The following DNAAF11 variants were observed in gnomAD, a reference collection of about 807,000 sequenced individuals.
DNAAF11 encodes dynein axonemal assembly factor 11.
A neutral mutation model predicts 60.8 loss-of-function variants in DNAAF11; 45 were observed. That is an observed-to-expected ratio of 0.74 (90% CI 0.58 to 0.95). DNAAF11 has a LOEUF of 0.95. DNAAF11 is among the 40% of genes least tolerant of loss of function. The probability of loss-of-function intolerance (pLI) is 0.00; values close to 1 mark genes in which losing one functional copy is unlikely to be tolerated. For missense variants in DNAAF11, 546 were observed against 546.2 expected, an observed-to-expected ratio of 1.00 and a Z score of 0.00; for synonymous variants, 191 against 183.5, an observed-to-expected ratio of 1.04 and a Z score of -0.33.
intron 5 of DNAAF11, among the ~76,000 whole-genome samples, chr8:132,631,851 A>G (rs1344943232): frequency 6.6e-6 from 1 of 150,376 alleles, no homozygotes; most frequent in East Asian, 2.0e-4. Flanking sequence ...AACATCACAC[A>G]CCGGGGCCTG....
chr8:132,614,567 G>T (rs1161512888), intron 8 of DNAAF11, among the ~76,000 whole-genome samples: 1 of 152,118 alleles, frequency 6.6e-6, no homozygotes, highest in African/African-American at 2.4e-5. Context: ...CCTACCCATG[G>T]GTGAGAAAAC....
chr8:132,592,989 A>T (rs549786310), intron 10 of DNAAF11, among the ~76,000 whole-genome samples: 9 of 152,144 alleles, frequency 5.9e-5, no homozygotes, highest in African/African-American at 2.2e-4. Flanking sequence ...ACAGAAGCCA[A>T]TTCAATGGAT....
the DNAAF11 span, among the ~76,000 whole-genome samples, chr8:132,700,036 G>A: frequency 1.3e-5 from 2 of 152,116 alleles, no homozygotes; most frequent in African/African-American, 4.8e-5. Flanking sequence ...GAACCACAGT[G>A]TTGTGGTTCA....
chr8:132,679,343 A>G (rs199677461), upstream of DNAAF11, among the ~76,000 whole-genome samples: 1 of 152,146 alleles, frequency 6.6e-6, no homozygotes, highest in Non-Finnish European at 1.5e-5. Flanking sequence ...CAGTGAGCCA[A>G]TTTCTTCAAG....
chr8:132,618,664 A>C (rs1365351299), intron 7 of DNAAF11, among the ~76,000 whole-genome samples: 1 of 148,646 alleles, frequency 6.7e-6, no homozygotes, highest in Non-Finnish European at 1.5e-5. Context: ...TCTCAAAAGA[A>C]GACATTTATG....
At chr8:132,667,627 T>C (rs1205308684) in intron 1 of DNAAF11, among the ~76,000 whole-genome samples, 1 of 152,210 alleles carries the variant, frequency 6.6e-6, no homozygotes, top group African/African-American at 2.4e-5. Context: ...AACCAATATC[T>C]GTCTGACTGG....
At chr8:132,573,862 A>G (rs1463347122) in intron 11 of DNAAF11, among the ~76,000 whole-genome samples, 2 of 152,202 alleles carry the variant, frequency 1.3e-5, no homozygotes, top group African/African-American at 4.8e-5. Flanking sequence ...AAAAATACAA[A>G]ATATACAAAG....
At chr8:132,599,568 T>TG (rs2129663392) in intron 10 of DNAAF11, among the ~76,000 whole-genome samples, 1 of 152,224 alleles carries the variant, frequency 6.6e-6, no homozygotes, top group South Asian at 2.1e-4. Flanking sequence ...TCAAAAAGCT[T>TG]ATCCACCATG....
chr8:132,665,956 C>T (rs536533048), intron 1 of DNAAF11, among the ~76,000 whole-genome samples: 1 of 152,190 alleles, frequency 6.6e-6, no homozygotes, highest in Non-Finnish European at 1.5e-5. Flanking sequence ...AACATGGATG[C>T]AGCTGGAGGC....
rs1822381581 is a variant in DNAAF11, at chr8:132,646,340, TA to T, written c.257-8234del. On this transcript the variant is annotated intron_variant, in intron 3 of 11. Transcript: ENST00000620350. The stretch of plus-strand genomic sequence containing the variant: ...TTACAAGAGCTCCTGAAGGAAGCAC[TA>T]AACATGGAAAGGAACAACCGGTACC... 2.0e-5 allele frequency among the ~76,000 whole-genome samples: 3 copies of T among 152,228 alleles called. No homozygotes were observed. The East Asian group carries it at 5.8e-4, about 29-fold the overall frequency.
rs569599908 is a variant in DNAAF11, at chr8:132,589,906, G to A, written c.1141-6127C>T. The stretch of plus-strand genomic sequence containing the variant: ...CAAGTGCCCCAGAGTGGAAGATCAT[G>A]AAAGTTAACATGAAGGTTAAGGGGA... On this transcript the variant is annotated intron_variant, in intron 10 of 11. Coordinates refer to ENST00000620350, the MANE Select transcript of DNAAF11 (RefSeq NM_012472.6). Among the ~76,000 whole-genome samples, 16 of 152,304 alleles carry A rather than the reference G, an allele frequency of 1.1e-4. No individual in the cohort carries two copies. The East Asian group carries it at 1.3e-3, about 13-fold the overall frequency.
chr8:132,660,927 A>T (rs1824070041), intron 2 of DNAAF11, among the ~76,000 whole-genome samples: 2 of 152,198 alleles, frequency 1.3e-5, no homozygotes, highest in African/African-American at 2.4e-5. Flanking sequence ...ATCAGTTATA[A>T]TACTGATATT....
intron 1 of DNAAF11, among the ~76,000 whole-genome samples, chr8:132,665,238 A>C (rs1824518199): frequency 6.6e-6 from 1 of 152,010 alleles, no homozygotes; most frequent in Non-Finnish European, 1.5e-5. Flanking sequence ...CAAAAACCAG[A>C]GCCCCCGAGA....
At chr8:132,597,686 G>A (rs904749039) in intron 10 of DNAAF11, among the ~76,000 whole-genome samples, 4 of 152,150 alleles carry the variant, frequency 2.6e-5, no homozygotes, top group Admixed American at 1.3e-4. Context: ...CTATAACCTT[G>A]AAGAAAACAA....
the DNAAF11 span, among the ~76,000 whole-genome samples, chr8:132,694,511 A>G: frequency 1.3e-5 from 2 of 152,306 alleles, no homozygotes; most frequent in African/African-American, 4.8e-5. Flanking sequence ...AACTGTGAGA[A>G]AATACAGCTT....
rs111549695 is a variant in DNAAF11, at chr8:132,662,357, T to C, written c.11-730A>G. Among the ~76,000 whole-genome samples the C allele has an allele frequency of 3.7e-3, 559 of 152,296 alleles. 3 individuals carry two copies. Among genetic ancestry groups the C allele is most frequent in the African/African-American group, 0.013 (526 of 41,562 alleles). On this transcript the variant is annotated intron_variant, in intron 1 of 11. Coordinates refer to ENST00000620350, the MANE Select transcript of DNAAF11 (RefSeq NM_012472.6). ...AGGAGACTGGACATAGCACTATCTATGGTCCACAGTCAGAGCCAAGCACAA... is the reference window on the plus strand; with the variant it reads ...AGGAGACTGGACATAGCACTATCTACGGTCCACAGTCAGAGCCAAGCACAA...
At chr8:132,614,506 G>A (rs1263158737) in intron 8 of DNAAF11, among the ~76,000 whole-genome samples, 2 of 152,160 alleles carry the variant, frequency 1.3e-5, no homozygotes, top group African/African-American at 2.4e-5. Context: ...GAGGAGAAAA[G>A]GACAATAGTT....
chr8:132,680,533 A>G (rs143463446), upstream of DNAAF11, among the ~76,000 whole-genome samples: 99 of 152,208 alleles, frequency 6.5e-4, no homozygotes, highest in African/African-American at 2.1e-3. Flanking sequence ...TATGTAACCA[A>G]TATTGTGACT....
chr8:132,620,595 A>G (rs1190063937), intron 7 of DNAAF11, among the ~76,000 whole-genome samples: 1 of 152,210 alleles, frequency 6.6e-6, no homozygotes, highest in Non-Finnish European at 1.5e-5. Context: ...TCGGTCTCCC[A>G]AAGTGCTGGG....
Sources: allele counts gnomAD v4.1 joint callset (sites outside exome capture counted in the v4.1 genomes callset), GRCh38; gene constraint gnomAD v4.1.1; transcripts MANE v1.5; gene names NCBI Gene and HGNC (gene_info 2026-07-23, HGNC 2026-07-21).